HNMT: variants seen among roughly 807,000 people sequenced by gnomAD.
HNMT encodes the protein histamine N-methyltransferase.
In HNMT, 30 loss-of-function variants were observed where a neutral mutation model predicts 32.1. The ratio of observed to expected loss-of-function variants is 0.93; its 90% CI spans 0.70 to 1.27. HNMT has a LOEUF of 1.27. HNMT is among the 50% of genes most tolerant of loss of function. The pLI is 0.00. For synonymous variants in HNMT, 125 were observed against 119.0 expected (o/e 1.05, Z -0.33); for missense variants, 327 against 346.0 (o/e 0.95, Z 0.43).
intron 2 of HNMT, among the ~76,000 whole-genome samples, chr2:137,976,604 T>A (rs149196133): frequency 2.0e-5 from 3 of 152,300 alleles, no homozygotes; most frequent in African/African-American, 7.2e-5. Context: ...TTTTAATTGC[T>A]TATAACTAAA....
chr2:137,989,219 A>G (rs1336629284), intron 2 of HNMT, among the ~76,000 whole-genome samples: 2 of 152,144 alleles, frequency 1.3e-5, no homozygotes, highest in Admixed American at 1.3e-4. Flanking sequence ...GAAATCATCT[A>G]TGCTCCACCC....
intron 5 of HNMT, among the ~76,000 whole-genome samples, chr2:138,013,444 G>T (rs1229879415): frequency 6.6e-6 from 1 of 152,032 alleles, no homozygotes; most frequent in East Asian, 1.9e-4. Flanking sequence ...CTCTCTCCTG[G>T]AGTCATCTTC....
At chr2:137,982,830 G>C (rs1396162647) in intron 2 of HNMT, among the ~76,000 whole-genome samples, 1 of 152,116 alleles carries the variant, frequency 6.6e-6, no homozygotes, top group Non-Finnish European at 1.5e-5. Context: ...AATCATAGAG[G>C]GGCTAAGTGT....
At chr2:138,009,699 C>T (rs1326457763) in intron 5 of HNMT, among the ~76,000 whole-genome samples, 4 of 151,958 alleles carry the variant, frequency 2.6e-5, no homozygotes, top group African/African-American at 9.7e-5. Flanking sequence ...TGTCAGTGAA[C>T]ACACATAGGA....
At chr2:137,992,152 G>A (rs1258391628) in intron 2 of HNMT, among the ~76,000 whole-genome samples, 1 of 152,234 alleles carries the variant, frequency 6.6e-6, no homozygotes, top group East Asian at 1.9e-4. Context: ...GGAATGCACA[G>A]ACTCTTAGCT....
At chr2:138,006,111 C>T (rs896280398) in intron 5 of HNMT, among the ~76,000 whole-genome samples, 1 of 151,952 alleles carries the variant, frequency 6.6e-6, no homozygotes, top group Non-Finnish European at 1.5e-5. Flanking sequence ...CTGTACACAA[C>T]CTCTCCTGCA....
chr2:137,981,460 C>T (rs533583541), intron 2 of HNMT: 1 of 1,103,198 alleles, frequency 9.1e-7, no homozygotes, highest in East Asian at 2.4e-5. Context: ...ATTGCAAAGT[C>T]TTCACACCGC....
chr2:138,004,257 C>T (rs1003603383), intron 4 of HNMT, among the ~76,000 whole-genome samples: 2 of 152,124 alleles, frequency 1.3e-5, no homozygotes, highest in East Asian at 3.9e-4. Context: ...TGGAGTGTGG[C>T]CCCTAAGGCA....
chr2:137,995,446 C>T (rs1313130847), intron 2 of HNMT, among the ~76,000 whole-genome samples: 1 of 152,074 alleles, frequency 6.6e-6, no homozygotes, highest in African/African-American at 2.4e-5. Context: ...GGCACATACA[C>T]CCTACTAAGA....
intron 5 of HNMT, among the ~76,000 whole-genome samples, chr2:138,006,721 G>A (rs1681340724): frequency 6.6e-6 from 1 of 151,964 alleles, no homozygotes; most frequent in African/African-American, 2.4e-5. Context: ...AATACATGGT[G>A]CAAGAATACT....
chr2:138,013,871 T>C lies in HNMT; in HGVS notation c.620T>C (p.Met207Thr), dbSNP rs779046531. 3.7e-6 allele frequency: 6 copies of C among 1,613,850 alleles called. No individual in the cohort carries two copies. Among genetic ancestry groups the C allele is most frequent in the Admixed American group, 1.7e-5 (1 of 59,948 alleles). The change falls in exon 6 of 6, where the codon ATG becomes ACG. Residue 207 changes from methionine (M) to threonine (T), a missense_variant. Coordinates refer to ENST00000280097, the MANE Select transcript of HNMT (RefSeq NM_006895.3). ...QYITSDDLTQ[M>T]LDNLGLKYEC... ...ATCACATCAGATGACCTCACTCAGA[T>C]GCTGGACAACCTAGGGCTTAAGTAT... is the stretch of plus-strand genomic sequence containing the variant.
At chr2:137,982,883 A>G (rs1680544286) in intron 2 of HNMT, among the ~76,000 whole-genome samples, 2 of 152,324 alleles carry the variant, frequency 1.3e-5, no homozygotes, top group South Asian at 4.1e-4. Flanking sequence ...TAGCCACTTG[A>G]CATATGTAAT....
intron 1 of HNMT, among the ~76,000 whole-genome samples, chr2:137,966,444 G>T (rs1207307912): frequency 6.6e-6 from 1 of 152,094 alleles, no homozygotes; most frequent in Non-Finnish European, 1.5e-5. Context: ...AAGTAAGCAT[G>T]CATATTTCCC....
intron 2 of HNMT, among the ~76,000 whole-genome samples, chr2:137,987,654 C>T (rs1573658217): frequency 9.9e-6 from 1 of 101,352 alleles, no homozygotes; most frequent in Non-Finnish European, 1.8e-5. Context: ...ATACTGATGG[C>T]TTATGGTTCT....
intron 2 of HNMT, chr2:137,981,206 T>C (rs994672864): frequency 5.6e-6 from 9 of 1,612,944 alleles, no homozygotes; most frequent in Non-Finnish European, 7.6e-6. Context: ...CCTATTTTCT[T>C]GACCTGCAGA....
intron 2 of HNMT, among the ~76,000 whole-genome samples, chr2:137,971,687 C>A (rs1416082400): frequency 2.0e-5 from 3 of 152,138 alleles, no homozygotes; most frequent in Admixed American, 6.5e-5. Flanking sequence ...GTAACATTTA[C>A]AAAGTGCTTA....
chr2:138,000,244 G>A (rs1373643911), intron 2 of HNMT, among the ~76,000 whole-genome samples: 1 of 152,068 alleles, frequency 6.6e-6, no homozygotes, highest in Non-Finnish European at 1.5e-5. Flanking sequence ...CCCTGGGAGT[G>A]ACAGAGTTCA....
chr2:137,970,949 G>A lies in HNMT; in HGVS notation c.190+732G>A, dbSNP rs76901447. Reference sequence around the variant, plus strand: ...AAAAAAAAAAAAAGAAAGAAAGAAAGAAAGAAAGAAAGAAAGAAAGAAAAA... The same window carrying A: ...AAAAAAAAAAAAAGAAAGAAAGAAAAAAAGAAAGAAAGAAAGAAAGAAAAA... On this transcript the variant is annotated intron_variant, in intron 2 of 5. Coordinates refer to ENST00000280097, the MANE Select transcript of HNMT (RefSeq NM_006895.3). 2.3e-3 allele frequency among the ~76,000 whole-genome samples: 62 copies of A among 27,534 alleles called. 4 individuals are homozygous for A. Among genetic ancestry groups the A allele is most frequent in the African/African-American group, 7.3e-3 (58 of 7,928 alleles). 18.1% of individuals were successfully genotyped at this position (27,534 alleles called of 152,430 possible).
intron 1 of HNMT, chr2:137,966,997 A>G: frequency 2.7e-6 from 2 of 740,740 alleles, no homozygotes; most frequent in Admixed American, 2.0e-5. Flanking sequence ...ATGTTTAAAA[A>G]TCCCTTGGTT....
Sources: allele counts gnomAD v4.1 joint callset (sites outside exome capture counted in the v4.1 genomes callset), GRCh38; gene constraint gnomAD v4.1.1; transcripts MANE v1.5; gene names NCBI Gene and HGNC (gene_info 2026-07-23, HGNC 2026-07-21).